The following TPTE2 variants were observed in gnomAD, a reference collection of about 807,000 sequenced individuals.
The protein encoded by TPTE2 is transmembrane phosphoinositide 3-phosphatase and tensin homolog 2.
TPTE2 carries 53 observed loss-of-function variants against 78.6 expected under a neutral mutation model. The ratio of observed to expected loss-of-function variants is 0.67; its 90% CI spans 0.54 to 0.85. The LOEUF (loss-of-function observed/expected upper bound fraction) is 0.85, where lower values mean the gene tolerates loss of function less well. Among genes scored for constraint, TPTE2 ranks in the 40% least tolerant of loss-of-function variants. The pLI is 0.00. For missense variants in TPTE2, 461 were observed against 623.0 expected, an observed-to-expected ratio of 0.74 and a Z score of 2.77; for synonymous variants, 175 against 206.2, an observed-to-expected ratio of 0.85 and a Z score of 1.30.
At chr13:19,515,506 G>A (rs1179314843) in intron 1 of TPTE2, among the ~76,000 whole-genome samples, 1 of 152,184 alleles carries the variant, frequency 6.6e-6, no homozygotes, top group Non-Finnish European at 1.5e-5. Context: ...GAGTGCCAGA[G>A]TTCAAATGAC....
intron 19 of TPTE2, 62 bp from the exon 23 acceptor site, chr13:19,423,226 G>T: frequency 7.5e-7 from 1 of 1,331,114 alleles, no homozygotes; most frequent in Non-Finnish European, 1.0e-6. Flanking sequence ...CACGCAGTTG[G>T]GTACCCACGT....
chr13:19,433,224 G>T (rs1876805851), intron 15 of TPTE2, among the ~76,000 whole-genome samples: 1 of 152,048 alleles, frequency 6.6e-6, no homozygotes, highest in South Asian at 2.1e-4. Flanking sequence ...TCAAAAGTTG[G>T]CCATCATGGT....
At chr13:19,532,189 C>T (rs975305452) in intron 1 of TPTE2, among the ~76,000 whole-genome samples, 33 of 152,156 alleles carry the variant, frequency 2.2e-4, no homozygotes, top group Non-Finnish European at 1.5e-4. Context: ...GAAAAATTAT[C>T]AGCTGACAAA....
At chr13:19,433,310 C>A (rs1175229444) in intron 15 of TPTE2, among the ~76,000 whole-genome samples, 3 of 152,096 alleles carry the variant, frequency 2.0e-5, no homozygotes, top group Non-Finnish European at 2.9e-5. Context: ...TTGAGACCAG[C>A]CTCGCCAACA....
chr13:19,451,188 T>C lies in TPTE2; in HGVS notation c.779A>G (p.His260Arg). 6 of 1,613,530 alleles carry C rather than the reference T, an allele frequency of 3.7e-6. No individual in the cohort carries two copies. The South Asian group carries it at 6.6e-5, about 18-fold the overall frequency. Reference sequence around the variant, plus strand: ...ACTGCATAGATTGTAGACTCGATAGTGGTTTCGATGTTTCTTATCTAGAAA... The same window carrying C: ...ACTGCATAGATTGTAGACTCGATAGCGGTTTCGATGTTTCTTATCTAGAAA... The change falls in exon 11 of 20, where the codon CAC becomes CGC. Residue 260 changes from histidine (H) to arginine (R), a missense_variant. Coordinates refer to ENST00000400230, the Ensembl canonical transcript of TPTE2.
intron 3 of TPTE2, among the ~76,000 whole-genome samples, chr13:19,490,908 C>T (rs1460441419): frequency 6.6e-6 from 1 of 152,184 alleles, no homozygotes; most frequent in Admixed American, 6.5e-5. Flanking sequence ...ACACTACACA[C>T]ATTCTCATAT....
At chr13:19,540,501 C>T (rs1401254950), upstream of TPTE2, among the ~76,000 whole-genome samples, 11 of 151,786 alleles carry the variant, frequency 7.2e-5, no homozygotes, top group Non-Finnish European at 1.2e-4. Context: ...GATGGGGTTT[C>T]GCCATGTTGG....
At chr13:19,471,692 A>G (rs192814770) in intron 6 of TPTE2, among the ~76,000 whole-genome samples, 283 of 152,206 alleles carry the variant, frequency 1.9e-3, no homozygotes, top group African/African-American at 6.4e-3. Context: ...TCTACTTAGA[A>G]TAAGAGTAGT....
chr13:19,508,693 A>C (rs2137688549), intron 1 of TPTE2, among the ~76,000 whole-genome samples: 1 of 152,328 alleles, frequency 6.6e-6, no homozygotes, highest in East Asian at 1.9e-4. Context: ...GGATAAAAAC[A>C]GCTATCTAAC....
Position 19,492,906 on chromosome 13 carries a change from A to G in TPTE2, c.66-3T>C. On this transcript the variant is annotated splice_polypyrimidine_tract_variant and splice_region_variant and intron_variant, in intron 2 of 19. Coordinates refer to ENST00000400230, the Ensembl canonical transcript of TPTE2. The stretch of plus-strand genomic sequence containing the variant: ...CTTTAAATTCACTTGTGTGTGGGCT[A>G]GAGGATGATAAAAGAATACAGTCAG... 1 of 1,613,998 alleles carries G rather than the reference A, an allele frequency of 6.2e-7. No individual in the cohort carries two copies. Among genetic ancestry groups the G allele is most frequent in the Non-Finnish European group, 8.5e-7 (1 of 1,179,850 alleles).
the TPTE2 span, among the ~76,000 whole-genome samples, chr13:19,543,647 C>T: frequency 1.5e-4 from 23 of 152,244 alleles, no homozygotes; most frequent in Admixed American, 6.5e-4. Flanking sequence ...TAAGCCACCA[C>T]GCCTGGCCAC....
intron 17 of TPTE2, among the ~76,000 whole-genome samples, chr13:19,428,038 A>T (rs540029177): frequency 6.6e-6 from 1 of 152,368 alleles, no homozygotes; most frequent in Non-Finnish European, 1.5e-5. Flanking sequence ...CAAAAATTTC[A>T]TTAAGGAGGT....
At chr13:19,453,998 C>A (rs150733515) in intron 10 of TPTE2, among the ~76,000 whole-genome samples, 3,123 of 152,264 alleles carry the variant, frequency 0.021, 112 homozygotes, top group African/African-American at 0.071. Flanking sequence ...CTTCTCTCTG[C>A]CTATCTTAGT....
chr13:19,502,246 C>T (rs1868622573), intron 1 of TPTE2, among the ~76,000 whole-genome samples: 1 of 146,240 alleles, frequency 6.8e-6, no homozygotes, highest in Non-Finnish European at 1.5e-5. Flanking sequence ...GTGGCGATTC[C>T]TCAGGGATCT....
At chr13:19,426,574 T>A (rs1439072822) in intron 17 of TPTE2, 57 bp from the exon 21 acceptor site, 17 of 1,024,088 alleles carry the variant, frequency 1.7e-5, no homozygotes, top group Non-Finnish European at 2.6e-5. Flanking sequence ...TAACAAAAGT[T>A]CCTTTTCACT....
At chr13:19,505,914 T>G (rs1868983383), upstream of TPTE2, 1 of 151,684 alleles carries the variant, frequency 6.6e-6, no homozygotes, top group South Asian at 2.1e-4. Context: ...CTTTCATGAC[T>G]TCGTCCTCTT....
chr13:19,547,739 A>ATATATATATATATATATATATT, the TPTE2 span, among the ~76,000 whole-genome samples: 1 of 144,222 alleles, frequency 6.9e-6, no homozygotes, highest in Non-Finnish European at 1.5e-5. Context: ...ATATATATAT[A>ATATATATATATATATATATATT]TGCATACTGC....
At chr13:19,509,058 G>A (rs529681756) in intron 1 of TPTE2, among the ~76,000 whole-genome samples, 14 of 152,040 alleles carry the variant, frequency 9.2e-5, no homozygotes, top group South Asian at 4.2e-4. Context: ...ATGTTAAAAG[G>A]GAAATCACGA....
chr13:19,514,592 A>AGTGAGTGTGTGTGT, intron 1 of TPTE2, among the ~76,000 whole-genome samples: 1 of 126,822 alleles, frequency 7.9e-6, no homozygotes, highest in South Asian at 3.0e-4. Flanking sequence ...TACTTCTGAG[A>AGTGAGTGTGTGTGT]GTGTGTGTGT....
Sources: allele counts gnomAD v4.1 joint callset (sites outside exome capture counted in the v4.1 genomes callset), GRCh38; gene constraint gnomAD v4.1.1; transcripts MANE v1.5; gene names NCBI Gene and HGNC (gene_info 2026-07-23, HGNC 2026-07-21).